MARK3: variants seen among roughly 807,000 people sequenced by gnomAD.
MARK3 encodes MAP/microtubule affinity-regulating kinase 3.
Under a neutral mutation model 90.1 loss-of-function variants are expected in MARK3, and 46 were observed. The ratio of observed to expected loss-of-function variants is 0.51; its 90% CI spans 0.40 to 0.65. The LOEUF (loss-of-function observed/expected upper bound fraction) is 0.65. Among genes scored for constraint, MARK3 ranks in the 30% least tolerant of loss-of-function variants. The pLI is 0.00. For synonymous variants in MARK3, 321 were observed against 332.6 expected (o/e 0.97, Z 0.38); for missense variants, 818 against 947.2 (o/e 0.86, Z 1.79).
chr14:103,406,058 T>C (rs1440197305), intron 2 of MARK3, among the ~76,000 whole-genome samples: 2 of 151,888 alleles, frequency 1.3e-5, no homozygotes, highest in Admixed American at 6.6e-5. Context: ...ACCCGGCTAA[T>C]GTTTAAAAAA....
chr14:103,494,289 C>T (rs4900580), intron 15 of MARK3, among the ~76,000 whole-genome samples: 48,569 of 145,348 alleles, frequency 0.33, 8,303 homozygotes, highest in East Asian at 0.51. Context: ...TGGTGGCTCA[C>T]GCCTGTAATC....
At chr14:103,470,577 T>TC (rs987685625) in intron 12 of MARK3, among the ~76,000 whole-genome samples, 2 of 149,500 alleles carry the variant, frequency 1.3e-5, no homozygotes, top group African/African-American at 4.9e-5. Flanking sequence ...TGCCTCAGCC[T>TC]CCCGAGTAGC....
At chr14:103,419,841 G>T (rs2092130197) in intron 2 of MARK3, among the ~76,000 whole-genome samples, 1 of 152,092 alleles carries the variant, frequency 6.6e-6, no homozygotes, top group African/African-American at 2.4e-5. Flanking sequence ...AAGAGCAGGG[G>T]TCTACCAGGT....
intron 13 of MARK3, among the ~76,000 whole-genome samples, chr14:103,479,710 G>A (rs992802898): frequency 2.3e-4 from 29 of 126,250 alleles, no homozygotes; most frequent in African/African-American, 6.6e-4. Flanking sequence ...TCAGCTCACC[G>A]CAACCTCTAC....
chr14:103,395,701 T>A (rs541309387), intron 1 of MARK3, among the ~76,000 whole-genome samples: 2 of 152,352 alleles, frequency 1.3e-5, no homozygotes, highest in Admixed American at 6.5e-5. Context: ...ACATCTTTAT[T>A]CTGTTCTCAT....
At chr14:103,432,633 T>C (rs1054756022) in intron 3 of MARK3, among the ~76,000 whole-genome samples, 2 of 151,946 alleles carry the variant, frequency 1.3e-5, no homozygotes, top group African/African-American at 4.8e-5. Context: ...AGAGGATCAC[T>C]CGAGCTCAGG....
At chr14:103,468,467 G>A (rs1170641649) in intron 12 of MARK3, among the ~76,000 whole-genome samples, 1 of 151,792 alleles carries the variant, frequency 6.6e-6, no homozygotes, top group African/African-American at 2.4e-5. Context: ...TGGGACTACA[G>A]GTGTGTACCA....
At chr14:103,458,612 A>T (rs905761274) in intron 6 of MARK3, 28 of 513,506 alleles carry the variant, frequency 5.5e-5, no homozygotes, top group Non-Finnish European at 7.3e-5. Flanking sequence ...GAAGGAAAGG[A>T]GCAGTGCTTC....
At chr14:103,414,221 T>A (rs894773869) in intron 2 of MARK3, among the ~76,000 whole-genome samples, 97 of 151,362 alleles carry the variant, frequency 6.4e-4, no homozygotes, top group Non-Finnish European at 7.2e-4. Context: ...TTTTTTTTTT[T>A]AAAGATGGAC....
intron 7 of MARK3, among the ~76,000 whole-genome samples, chr14:103,464,540 TC>T (rs1485946131): frequency 6.6e-6 from 1 of 151,960 alleles, no homozygotes; most frequent in Admixed American, 6.6e-5. Context: ...CCTCAGGTGA[TC>T]CACCCGCCTC....
chr14:103,435,025 C>CT (rs146966664), intron 3 of MARK3, among the ~76,000 whole-genome samples: 1 of 152,076 alleles, frequency 6.6e-6, no homozygotes, highest in African/African-American at 2.4e-5. Context: ...CAGTAGTGGC[C>CT]TTTTTTGGCG....
chr14:103,494,236 CA>C (rs71126032), intron 15 of MARK3, among the ~76,000 whole-genome samples: 31,942 of 79,802 alleles, frequency 0.4, 4,379 homozygotes, highest in Non-Finnish European at 0.46. Flanking sequence ...GACTCCATCT[CA>C]AAAAAAAAAA....
Position 103,475,203 on chromosome 14 carries a change from TC to T in MARK3, c.1478del (p.Pro493LeufsTer10). 1 of 1,612,880 alleles carries T rather than the reference TC, an allele frequency of 6.2e-7. No individual in the cohort carries two copies. The highest frequency in any genetic ancestry group is 8.5e-7 in the Non-Finnish European group (1 of 1,179,882). On this transcript the variant is annotated frameshift_variant, in exon 13 of 18. Transcript: ENST00000429436. LOFTEE classifies it high-confidence loss of function. Reference protein sequence around the residue: ...DIPERKKSSTVPSSNTASGGM... With the variant: ...DIPERKKSSTXPSSNTASGGM... ...CCTGAACGCAAGAAAAGCTCCACTG[TC>T]CCTAGTGTAAGTGTTGTTGAACTAT...
At chr14:103,491,090 A>AGAT (rs1555403522) in intron 14 of MARK3, 1 of 1,275,758 alleles carries the variant, frequency 7.8e-7, no homozygotes, top group African/African-American at 1.5e-5. Context: ...ACAGTGAAGG[A>AGAT]GATAACTTCA....
At chr14:103,463,401 G>A (rs1015661217) in intron 7 of MARK3, among the ~76,000 whole-genome samples, 2 of 152,022 alleles carry the variant, frequency 1.3e-5, no homozygotes, top group African/African-American at 2.4e-5. Flanking sequence ...CCATTCCTAC[G>A]GCCAGAGCAC....
intron 1 of MARK3, among the ~76,000 whole-genome samples, chr14:103,393,297 T>G (rs540666765): frequency 6.6e-6 from 1 of 152,306 alleles, no homozygotes; most frequent in South Asian, 2.1e-4. Flanking sequence ...TTAATCAGCT[T>G]GTCAACTTCT....
intron 2 of MARK3, among the ~76,000 whole-genome samples, chr14:103,418,815 G>GT (rs1298095550): frequency 1.3e-5 from 2 of 152,172 alleles, no homozygotes; most frequent in Non-Finnish European, 2.9e-5. Context: ...CCATATACAT[G>GT]TTTTTTCAAC....
intron 14 of MARK3, among the ~76,000 whole-genome samples, chr14:103,481,753 A>ATTTTTTTTTTT (rs1555400573): frequency 3.9e-5 from 2 of 50,952 alleles, no homozygotes; most frequent in African/African-American, 5.3e-5. Flanking sequence ...TGATATAGGT[A>ATTTTTTTTTTT]TTTCTTTTTT....
intron 1 of MARK3, among the ~76,000 whole-genome samples, chr14:103,398,497 G>A (rs2090732892): frequency 6.6e-6 from 1 of 152,110 alleles, no homozygotes; most frequent in Non-Finnish European, 1.5e-5. Flanking sequence ...TCAAATCAAG[G>A]ACAGACATCC....
Sources: gnomAD v4.1 joint callset for allele counts (sites outside exome capture counted in the v4.1 genomes callset) on GRCh38, gnomAD v4.1.1 for gene constraint, MANE v1.5 for transcripts, NCBI Gene and HGNC (gene_info 2026-07-23, HGNC 2026-07-21) for gene names.